The following RUNDC1 variants were observed in gnomAD, a reference collection of about 807,000 sequenced individuals.
RUNDC1 encodes RUN domain-containing protein 1.
A neutral mutation model predicts 49.3 loss-of-function variants in RUNDC1; 31 were observed. The observed-to-expected ratio is 0.63, with a 90% CI of 0.47 to 0.85. The LOEUF is 0.85. Ranked by LOEUF, RUNDC1 falls within the 40% of genes least tolerant of loss-of-function variation. The pLI is 0.00. For missense variants in RUNDC1, 715 were observed against 806.7 expected (o/e 0.89, Z 1.38); for synonymous variants, 347 against 348.6 (o/e 1.00, Z 0.05).
rs764717095 is a variant in RUNDC1, at chr17:42,991,153, C to T, written c.1279C>T (p.Arg427Trp). 5.6e-6 allele frequency: 9 copies of T among 1,614,070 alleles called. No homozygotes were observed. The highest frequency in any genetic ancestry group is 2.7e-5 in the African/African-American group (2 of 74,920). Residue 427 changes from arginine (R) to tryptophan (W), a missense_variant, in exon 5 of 5, where the codon CGG becomes TGG. Physicochemically the swap from Arg to Trp is moderately radical, Grantham distance 101 (BLOSUM62 -3). This residue lies in a region of RUNDC1 where 425 missense variants were observed against 499.7 expected (regional missense o/e 0.85). Coordinates refer to ENST00000361677, the MANE Select transcript of RUNDC1 (RefSeq NM_173079.5). ...CAAGGATGAGCTGACTATGGCTGTG[C>T]GGAAGGAGCTAACGGTGGCTGTGAG... Reference protein sequence around the residue: ...GGKDELTMAVRKELTVAVRDL... With the variant: ...GGKDELTMAVWKELTVAVRDL...
At chr17:42,987,511 G>A in intron 2 of RUNDC1, 97 bp downstream of exon 2, 1 of 1,186,290 alleles carries the variant, frequency 8.4e-7, no homozygotes, top group South Asian at 1.5e-5. Flanking sequence ...TTCTCCTTTG[G>A]CCTTACTGAG....
In RUNDC1 at chr17:42,993,527, G is replaced by C. The variant is rs1317936614; in HGVS notation, c.*1811G>C. On this transcript the variant is annotated 3_prime_UTR_variant, in exon 5 of 5. Coordinates refer to ENST00000361677, the MANE Select transcript of RUNDC1 (RefSeq NM_173079.5). The stretch of plus-strand genomic sequence containing the variant: ...TTAGTTCACCTTCCCTGTGAAACAA[G>C]AGAATTGTAAAATGTTGTGGAAAAT... The C allele has an allele frequency of 1.3e-5, 2 of 152,180 alleles. No homozygotes were observed. The highest frequency in any genetic ancestry group is 4.8e-5 in the African/African-American group (2 of 41,444). The allele number at this position is 152,180 out of a possible 1,614,324, so 9.4% of individuals were successfully genotyped here.
intron 2 of RUNDC1, 80 bp from the exon 3 acceptor site, chr17:42,989,261 G>A (rs373050553): frequency 9.5e-6 from 10 of 1,050,782 alleles, no homozygotes; most frequent in East Asian, 7.4e-5. Flanking sequence ...TTTAAGGACA[G>A]AAGACATTTT....
chr17:42,985,398 C>T (rs1380793220), intron 1 of RUNDC1, among the ~76,000 whole-genome samples: 1 of 151,994 alleles, frequency 6.6e-6, no homozygotes, highest in Non-Finnish European at 1.5e-5. Context: ...TTTAGTTATG[C>T]CTGGGGAAAT....
chr17:42,989,671 G>C (rs551034792), intron 3 of RUNDC1, 132 bp downstream of exon 3: 1 of 822,920 alleles, frequency 1.2e-6, no homozygotes, highest in African/African-American at 1.7e-5. Context: ...GTCTCTCTCT[G>C]TTCCCCTGGC....
rs1308851137 is a variant in RUNDC1 at position 42,995,086 on chromosome 17, A to G, written c.*3370A>G. Reference sequence around the variant, plus strand: ...CAACAAACACAGTCTAGCAAAGGAGATACCATACCAATTGGAGATTTGGAG... The same window carrying G: ...CAACAAACACAGTCTAGCAAAGGAGGTACCATACCAATTGGAGATTTGGAG... On this transcript the variant is annotated 3_prime_UTR_variant, in exon 5 of 5. Coordinates refer to ENST00000361677, the MANE Select transcript of RUNDC1 (RefSeq NM_173079.5). Among the ~76,000 whole-genome samples, 2 of 142,834 alleles carry G rather than the reference A, an allele frequency of 1.4e-5. No homozygotes were observed. Among genetic ancestry groups the G allele is most frequent in the African/African-American group, 5.1e-5 (2 of 39,000 alleles). The allele number at this position is 142,834 out of a possible 152,430, so 93.7% of individuals were successfully genotyped here.
rs534823439 is a variant in RUNDC1 at position 42,981,852 on chromosome 17, G to T, written c.498+778G>T. The stretch of plus-strand genomic sequence containing the variant: ...AATGAGGTCCTCTGATAACTGACAA[G>T]ATCGATTCAGTGTGCCTACCCCAGA... On this transcript the variant is annotated intron_variant, in intron 1 of 4. Transcript: ENST00000361677. 5 of 152,258 alleles carry T rather than the reference G, an allele frequency of 3.3e-5. No individual in the cohort carries two copies. The East Asian group carries it at 9.7e-4, about 29-fold the overall frequency. The allele number at this position is 152,258 out of a possible 1,614,324, so 9.4% of individuals were successfully genotyped here. A position where few individuals can be genotyped will look rare whatever the true frequency, so the allele number is the denominator to read the frequency against.
In RUNDC1 at chr17:42,991,996, CA is replaced by C. The variant is rs1225849371; in HGVS notation, c.*282del. On this transcript the variant is annotated 3_prime_UTR_variant, in exon 5 of 5. Coordinates refer to ENST00000361677, the MANE Select transcript of RUNDC1 (RefSeq NM_173079.5). Reference sequence around the variant, plus strand: ...TTGGGAGGCCGAGGCGGGCGGATCACAAGGTCAGGAGTTCGAGACCATCCTG... The same window carrying C: ...TTGGGAGGCCGAGGCGGGCGGATCACAGGTCAGGAGTTCGAGACCATCCTG... The C allele has an allele frequency of 5.2e-6, 2 of 385,492 alleles. No individual in the cohort carries two copies. The highest frequency in any genetic ancestry group is 4.1e-5 in the African/African-American group (2 of 48,726). The allele number at this position is 385,492 out of a possible 1,614,324, so 23.9% of individuals were successfully genotyped here. A position where few individuals can be genotyped will look rare whatever the true frequency, so the allele number is the denominator to read the frequency against.
At chr17:42,983,844 G>A (rs549670448) in intron 1 of RUNDC1, among the ~76,000 whole-genome samples, 1 of 151,332 alleles carries the variant, frequency 6.6e-6, no homozygotes, top group African/African-American at 2.4e-5. Context: ...GCTAATTTTT[G>A]TATTTTTAGT....
chr17:42,993,422 A>G lies in RUNDC1; in HGVS notation c.*1706A>G, dbSNP rs777051152. ...GCCACCTGCACTTTGTTTCTGCACT[A>G]TTATGTAGTGCATTTTAACTTAAAT... On this transcript the variant is annotated 3_prime_UTR_variant, in exon 5 of 5. Transcript: ENST00000361677. 1.3e-5 allele frequency: 2 copies of G among 152,192 alleles called. No individual in the cohort carries two copies. The highest frequency in any genetic ancestry group is 1.5e-5 in the Non-Finnish European group (1 of 68,034). 9.4% of individuals were successfully genotyped at this position (152,192 alleles called of 1,614,324 possible).
chr17:42,986,143 T>TGCCACCAC (rs1221797775), intron 1 of RUNDC1, among the ~76,000 whole-genome samples: 1 of 145,068 alleles, frequency 6.9e-6, no homozygotes, highest in African/African-American at 2.4e-5. Flanking sequence ...GGGACCACCA[T>TGCCACCAC]GCCACCACGC....
Position 42,992,918 on chromosome 17 carries a change from ATGTT to A in RUNDC1, c.*1207_*1210del, listed in dbSNP as rs1487453003. 1.3e-5 allele frequency: 2 copies of A among 152,182 alleles called. No homozygotes were observed. The highest frequency in any genetic ancestry group is 2.9e-5 in the Non-Finnish European group (2 of 68,038). 9.4% of individuals were successfully genotyped at this position (152,182 alleles called of 1,614,324 possible). On this transcript the variant is annotated 3_prime_UTR_variant, in exon 5 of 5. Coordinates refer to ENST00000361677, the MANE Select transcript of RUNDC1 (RefSeq NM_173079.5). ...TTCTGTTTATGAGGGGTGAGAAGTG[ATGTT>A]TGTTACTATGTTCTCCAGCAAGTAA...
chr17:42,993,066 A>G lies in RUNDC1; in HGVS notation c.*1350A>G, dbSNP rs1191060845. On this transcript the variant is annotated 3_prime_UTR_variant, in exon 5 of 5. Transcript: ENST00000361677. The stretch of plus-strand genomic sequence containing the variant: ...GTATATACAGGAATACAAATCGGTA[A>G]CCAGCAGCTGTTCCTCAGGTTGTGA... 6 of 152,236 alleles carry G rather than the reference A, an allele frequency of 3.9e-5. No individual in the cohort carries two copies. Among genetic ancestry groups the G allele is most frequent in the Non-Finnish European group, 7.3e-5 (5 of 68,044 alleles). The allele number at this position is 152,236 out of a possible 1,614,324, so 9.4% of individuals were successfully genotyped here. A position where few individuals can be genotyped will look rare whatever the true frequency, so the allele number is the denominator to read the frequency against.
Position 42,991,230 on chromosome 17 carries a change from T to G in RUNDC1, c.1356T>G (p.Val452=). 6.2e-7 allele frequency: 1 copy of G among 1,614,236 alleles called. No homozygotes were observed. Among genetic ancestry groups the G allele is most frequent in the Non-Finnish European group, 8.5e-7 (1 of 1,180,040 alleles). ...LYASSPGMSL[V]MAPIACLLPA... ...CCTCCTCCCCAGGGATGAGCCTTGT[T>G]ATGGCTCCTATTGCTTGTTTGCTGC... Residue 452 remains valine (V), a synonymous_variant, in exon 5 of 5, where the codon GTT becomes GTG. Coordinates refer to ENST00000361677, the MANE Select transcript of RUNDC1 (RefSeq NM_173079.5).
rs757120452 is a variant in RUNDC1 at position 42,990,333 on chromosome 17, C to CT, written c.875dup (p.Leu292PhefsTer9). The CT allele has an allele frequency of 1.1e-5, 18 of 1,613,936 alleles. No individual in the cohort carries two copies. Among genetic ancestry groups the CT allele is most frequent in the Admixed American group, 6.7e-5 (4 of 59,982 alleles). Reference sequence around the variant, plus strand: ...TGATTCCAGATGAAGTGGGAAGCCCCTTGCAGACAGGTGGTGGACACTGTG... The same window carrying CT: ...TGATTCCAGATGAAGTGGGAAGCCCCTTTGCAGACAGGTGGTGGACACTGTG... On this transcript the variant is annotated frameshift_variant, in exon 4 of 5. Coordinates refer to ENST00000361677, the MANE Select transcript of RUNDC1 (RefSeq NM_173079.5). LOFTEE classifies it high-confidence loss of function.
chr17:42,987,500 G>A lies in RUNDC1; in HGVS notation c.657+86G>A, dbSNP rs537172384. The A allele has an allele frequency of 2.3e-4, 309 of 1,338,594 alleles. 2 individuals are homozygous for A. In the African/African-American group the frequency reaches 3.8e-3, roughly 16 times the overall value. The allele number at this position is 1,338,594 out of a possible 1,614,324, so 82.9% of individuals were successfully genotyped here. A position where few individuals can be genotyped will look rare whatever the true frequency, so the allele number is the denominator to read the frequency against. ...TCACAGGGCATCCTCTCTCAGCTCA[G>A]TTCTCCTTTGGCCTTACTGAGAATC... On this transcript the variant is annotated intron_variant, in intron 2 of 4. Coordinates refer to ENST00000361677, the MANE Select transcript of RUNDC1 (RefSeq NM_173079.5).
At chr17:42,982,653 A>G (rs2050116491) in intron 1 of RUNDC1, among the ~76,000 whole-genome samples, 1 of 152,054 alleles carries the variant, frequency 6.6e-6, no homozygotes, top group African/African-American at 2.4e-5. Context: ...TACCCCATAA[A>G]TATATACACA....
At position 42,989,336 on chromosome 17, in the gene RUNDC1, G is replaced by A; in HGVS notation, c.658-5G>A. On this transcript the variant is annotated splice_region_variant and splice_polypyrimidine_tract_variant and intron_variant, in intron 2 of 4. Coordinates refer to ENST00000361677, the MANE Select transcript of RUNDC1 (RefSeq NM_173079.5). ...GGGTGTGCTCATTGCTTGTGATCTT[G>A]GTAGGTGATCATAGATGAGTTAATA... 2.5e-6 allele frequency: 4 copies of A among 1,611,500 alleles called. No homozygotes were observed. Among genetic ancestry groups the A allele is most frequent in the Non-Finnish European group, 3.4e-6 (4 of 1,178,268 alleles).
intron 1 of RUNDC1, 106 bp from the exon 2 acceptor site, chr17:42,987,150 G>T: frequency 1.4e-6 from 1 of 727,490 alleles, no homozygotes; most frequent in Non-Finnish European, 2.3e-6. Context: ...TTGGATTATT[G>T]GAAACATCTT....
Sources: gnomAD v4.1 joint callset for allele counts (sites outside exome capture counted in the v4.1 genomes callset) on GRCh38, gnomAD v4.1.1 for gene constraint, gnomAD v4.1.1 regional missense constraint, MANE v1.5 for transcripts, NCBI Gene and HGNC (gene_info 2026-07-23, HGNC 2026-07-21) for gene names.